TMCC3: variants seen among roughly 807,000 people sequenced by gnomAD.
The protein encoded by TMCC3 is transmembrane and coiled-coil domain family 3.
Under a neutral mutation model 40.2 loss-of-function variants are expected in TMCC3, and 28 were observed. The ratio of observed to expected loss-of-function variants is 0.70; its 90% CI spans 0.52 to 0.95. The LOEUF is 0.95. Among genes scored for constraint, TMCC3 ranks in the 40% least tolerant of loss-of-function variants. The pLI is 0.00. For missense variants in TMCC3, 554 were observed against 615.2 expected (o/e 0.90, Z 1.05); for synonymous variants, 255 against 248.5 (o/e 1.03, Z -0.25).
At position 94,578,423 on chromosome 12, in the gene TMCC3, G is replaced by T. The variant is rs1296638149; in HGVS notation, c.1102C>A (p.Gln368Lys). Reference sequence around the variant, plus strand: ...ATGTCCCGCGAGCGCTCGTAGGCCTGGTAGGCCACCTTCTCCTCAATGCTG... The same window carrying T: ...ATGTCCCGCGAGCGCTCGTAGGCCTTGTAGGCCACCTTCTCCTCAATGCTG... ...LASIEEKVAY[Q>K]AYERSRDIQE... Residue 368 changes from glutamine to lysine, a missense_variant, in exon 3 of 4, where the codon CAG becomes AAG. Transcript: ENST00000261226. 6.2e-7 allele frequency: 1 copy of T among 1,614,060 alleles called. No homozygotes were observed.
Position 94,632,026 on chromosome 12 carries a change from T to C in TMCC3, c.78+18327A>G, listed in dbSNP as rs1007214029. ...ACAACATGCAATTGCAAAAGCATTATGCTAAATGAAAGAAGCCACACTCAA... is the reference window on the plus strand; with the variant it reads ...ACAACATGCAATTGCAAAAGCATTACGCTAAATGAAAGAAGCCACACTCAA... On this transcript the variant is annotated intron_variant, in intron 1 of 3. Coordinates refer to ENST00000261226, the MANE Select transcript of TMCC3 (RefSeq NM_020698.4). Among the ~76,000 whole-genome samples, 9 of 152,236 alleles carry C rather than the reference T, an allele frequency of 5.9e-5. 1 individual carries two copies. Among genetic ancestry groups the C allele is most frequent in the African/African-American group, 1.2e-4 (5 of 41,456 alleles).
In TMCC3 at chr12:94,644,257, T is replaced by C. The variant is rs1455377112; in HGVS notation, c.78+6096A>G. The C allele has an allele frequency of 1.8e-5, 6 of 334,044 alleles. 1 individual carries two copies. The Middle Eastern group carries it at 5.7e-3, about 320-fold the overall frequency. 20.7% of individuals were successfully genotyped at this position (334,044 alleles called of 1,614,324 possible). A position where few individuals can be genotyped will look rare whatever the true frequency, so the allele number is the denominator to read the frequency against. On this transcript the variant is annotated intron_variant, in intron 1 of 3. Coordinates refer to ENST00000261226, the MANE Select transcript of TMCC3 (RefSeq NM_020698.4). ...CACAGTACAGTGATTCATGGTTCTC[T>C]TCCTCTTCTCTTGTCACCCTCCTCC...
chr12:94,582,994 TAAA>T (rs72289280), intron 1 of TMCC3, among the ~76,000 whole-genome samples: 1 of 18,608 alleles, frequency 5.4e-5, no homozygotes, highest in Non-Finnish European at 8.5e-5. Context: ...TTTTTTTTTT[TAAA>T]AAAGAAAGAT....
In TMCC3 at chr12:94,597,146, TATATATATATATGTATATAA is replaced by T. The variant is rs1173781106; in HGVS notation, c.79-14628_79-14609del. ...ATACATATATATATATATATATATA[TATATATATATATGTATATAA>T]ATTAGCCAGGCCTGCTGGCGTGCCT... On this transcript the variant is annotated intron_variant, in intron 1 of 3. Transcript: ENST00000261226. Among the ~76,000 whole-genome samples the T allele has an allele frequency of 5.0e-3, 79 of 15,856 alleles. 3 individuals are homozygous for T. The highest frequency in any genetic ancestry group is 0.017 in the Non-Finnish European group (61 of 3,642). 10.4% of individuals were successfully genotyped at this position (15,856 alleles called of 152,430 possible). A position where few individuals can be genotyped will look rare whatever the true frequency, so the allele number is the denominator to read the frequency against.
intron 1 of TMCC3, among the ~76,000 whole-genome samples, chr12:94,626,823 T>C (rs1470812254): frequency 1.3e-5 from 2 of 152,168 alleles, no homozygotes; most frequent in East Asian, 3.8e-4. Context: ...AGGGAAACAA[T>C]TACACTTAAT....
intron 1 of TMCC3, among the ~76,000 whole-genome samples, chr12:94,616,959 G>A (rs2068851287): frequency 1.3e-5 from 2 of 152,300 alleles, no homozygotes; most frequent in South Asian, 4.2e-4. Flanking sequence ...TTTCCATGGA[G>A]CCAACTGGAG....
At chr12:94,607,047 C>T (rs905299763) in intron 1 of TMCC3, among the ~76,000 whole-genome samples, 4 of 152,078 alleles carry the variant, frequency 2.6e-5, no homozygotes, top group Admixed American at 2.0e-4. Context: ...CCAGAGTGGC[C>T]GTTTACAGAC....
intron 1 of TMCC3, among the ~76,000 whole-genome samples, chr12:94,645,714 C>T (rs769246793): frequency 2.0e-5 from 3 of 152,194 alleles, no homozygotes; most frequent in Non-Finnish European, 4.4e-5. Context: ...GTTAGAATTA[C>T]AGGCATGAGC....
chr12:94,646,756 A>ATTTT (rs751029088), intron 1 of TMCC3, among the ~76,000 whole-genome samples: 3,190 of 119,190 alleles, frequency 0.027, 78 homozygotes, highest in Admixed American at 0.086. Context: ...TTTTTTTTAA[A>ATTTT]AAACAAATAC....
chr12:94,630,491 C>A (rs1242769806), intron 1 of TMCC3, among the ~76,000 whole-genome samples: 1 of 152,076 alleles, frequency 6.6e-6, no homozygotes, highest in African/African-American at 2.4e-5. Flanking sequence ...TGATCCTGGA[C>A]AAGTCGCTTA....
At chr12:94,633,921 T>C (rs569173068) in intron 1 of TMCC3, among the ~76,000 whole-genome samples, 2 of 152,148 alleles carry the variant, frequency 1.3e-5, no homozygotes, top group East Asian at 3.9e-4. Context: ...TTTTCAATAG[T>C]ACATATATAT....
At chr12:94,633,549 A>G (rs1029367990) in intron 1 of TMCC3, among the ~76,000 whole-genome samples, 8 of 152,194 alleles carry the variant, frequency 5.3e-5, no homozygotes, top group African/African-American at 1.9e-4. Flanking sequence ...GGCACCAAAC[A>G]TTTGCCCCTC....
intron 3 of TMCC3, among the ~76,000 whole-genome samples, chr12:94,573,402 C>A (rs2068545235): frequency 6.6e-6 from 1 of 152,176 alleles, no homozygotes; most frequent in South Asian, 2.1e-4. Flanking sequence ...TTCCACACAG[C>A]CACCCAAGCG....
intron 1 of TMCC3, among the ~76,000 whole-genome samples, chr12:94,631,477 A>G (rs1253267817): frequency 6.6e-6 from 1 of 152,190 alleles, no homozygotes; most frequent in Non-Finnish European, 1.5e-5. Context: ...AGGGAAAATG[A>G]TGTGAAGACA....
intron 1 of TMCC3, among the ~76,000 whole-genome samples, chr12:94,621,925 A>T (rs918044380): frequency 6.6e-6 from 1 of 152,224 alleles, no homozygotes; most frequent in Non-Finnish European, 1.5e-5. Flanking sequence ...AAAGTGTCCA[A>T]CGTCAACCTG....
intron 1 of TMCC3, among the ~76,000 whole-genome samples, chr12:94,605,404 T>G (rs1442727442): frequency 3.3e-5 from 5 of 152,228 alleles, no homozygotes; most frequent in Non-Finnish European, 5.9e-5. Context: ...GAATGGTTCA[T>G]TCATGAATCT....
At position 94,582,174 on chromosome 12, in the gene TMCC3, G is replaced by A. The variant is rs749023061; in HGVS notation, c.443C>T (p.Ala148Val). ...GGAAATGTCCTTTGAGCTCCTAGAG[G>A]CTCCATTCTGCTCGATCTCTCTGAG... is the stretch of plus-strand genomic sequence containing the variant. ...RKLREIEQNGASRSSKDISKD... is the reference protein window; with the variant it reads ...RKLREIEQNGVSRSSKDISKD... The change falls in exon 2 of 4, where the codon GCC becomes GTC. Residue 148 changes from alanine to valine, a missense_variant. By Grantham distance (64) the Ala-to-Val change is moderately conservative. Coordinates refer to ENST00000261226, the MANE Select transcript of TMCC3 (RefSeq NM_020698.4). The A allele has an allele frequency of 3.7e-6, 6 of 1,614,076 alleles. No homozygotes were observed. The highest frequency in any genetic ancestry group is 5.1e-6 in the Non-Finnish European group (6 of 1,180,002).
rs898265046 is a variant in TMCC3 at position 94,571,112 on chromosome 12, T to C, written c.*323A>G. 3 of 296,098 alleles carry C rather than the reference T, an allele frequency of 1.0e-5. No individual in the cohort carries two copies. The highest frequency in any genetic ancestry group is 6.5e-5 in the African/African-American group (3 of 46,502). 18.3% of individuals were successfully genotyped at this position (296,098 alleles called of 1,614,324 possible). ...CTGACAGAGACTTAGGAGAGAGACC[T>C]CTTTCTTCAGGATCACCAATTATGC... On this transcript the variant is annotated 3_prime_UTR_variant, in exon 4 of 4. Coordinates refer to ENST00000261226, the MANE Select transcript of TMCC3 (RefSeq NM_020698.4).
intron 1 of TMCC3, among the ~76,000 whole-genome samples, chr12:94,593,105 G>A (rs1225739696): frequency 6.6e-6 from 1 of 151,972 alleles, no homozygotes; most frequent in East Asian, 1.9e-4. Flanking sequence ...GCTGCGGCAG[G>A]AGAATCGCTT....
Sources: allele counts gnomAD v4.1 joint callset (sites outside exome capture counted in the v4.1 genomes callset), GRCh38; gene constraint gnomAD v4.1.1; transcripts MANE v1.5; gene names NCBI Gene and HGNC (gene_info 2026-07-23, HGNC 2026-07-21).